Variants in CSRNP3 observed in about 807,000 individuals in gnomAD.
CSRNP3 encodes the protein cysteine/serine-rich nuclear protein 3.
CSRNP3 carries 12 observed loss-of-function variants against 48.0 expected under a neutral mutation model. The ratio of observed to expected loss-of-function variants is 0.25; its 90% CI spans 0.16 to 0.41. The LOEUF is 0.41. Ranked by LOEUF, CSRNP3 falls within the 10% of genes least tolerant of loss-of-function variation. The pLI, the probability that CSRNP3 is intolerant of heterozygous loss-of-function variation, is 1.00. For synonymous variants in CSRNP3, 263 were observed against 269.7 expected, an observed-to-expected ratio of 0.98 and a Z score of 0.24; for missense variants, 580 against 724.4, an observed-to-expected ratio of 0.80 and a Z score of 2.29.
intron 2 of CSRNP3, among the ~76,000 whole-genome samples, chr2:165,504,183 T>A (rs1684395150): frequency 6.6e-6 from 1 of 152,036 alleles, no homozygotes; most frequent in African/African-American, 2.4e-5. Flanking sequence ...ATTTTAAAAA[T>A]ACATTTCAAA....
chr2:165,639,368 C>T (rs919852705), intron 4 of CSRNP3, among the ~76,000 whole-genome samples: 1 of 152,124 alleles, frequency 6.6e-6, no homozygotes, highest in Admixed American at 6.5e-5. Context: ...CACTGTTCTG[C>T]GAGGTCTGTG....
chr2:165,544,016 C>T (rs921717111), intron 3 of CSRNP3, among the ~76,000 whole-genome samples: 1 of 151,276 alleles, frequency 6.6e-6, no homozygotes, highest in African/African-American at 2.4e-5. Flanking sequence ...TATATACACA[C>T]ACAATGTTTG....
At chr2:165,620,164 T>C (rs2105317510) in intron 4 of CSRNP3, among the ~76,000 whole-genome samples, 1 of 152,294 alleles carries the variant, frequency 6.6e-6, no homozygotes, top group East Asian at 1.9e-4. Flanking sequence ...TTTACACAGT[T>C]TTTCTTTGTG....
At chr2:165,480,238 A>T (rs1684022314) in intron 1 of CSRNP3, among the ~76,000 whole-genome samples, 1 of 152,190 alleles carries the variant, frequency 6.6e-6, no homozygotes, top group East Asian at 1.9e-4. Flanking sequence ...TCAAGGGCTC[A>T]TGTGATTAGG....
intron 3 of CSRNP3, among the ~76,000 whole-genome samples, chr2:165,526,898 C>T (rs1171078820): frequency 6.6e-6 from 1 of 152,030 alleles, no homozygotes; most frequent in African/African-American, 2.4e-5. Flanking sequence ...TCTGCATGCT[C>T]TCTGACTTAG....
At position 165,560,873 on chromosome 2, in the gene CSRNP3, G is replaced by A. The variant is rs370252268; in HGVS notation, c.-23-34170G>A. ...ATCTTTTAGTGGTATGTCTTTAATCGCTTTAAACTGTTTGTTTCACTAGTG... is the reference window on the plus strand; with the variant it reads ...ATCTTTTAGTGGTATGTCTTTAATCACTTTAAACTGTTTGTTTCACTAGTG... On this transcript the variant is annotated intron_variant, in intron 3 of 6. Transcript: ENST00000651982. Among the ~76,000 whole-genome samples, 8 of 152,120 alleles carry A rather than the reference G, an allele frequency of 5.3e-5. No individual in the cohort carries two copies. The East Asian group carries it at 5.8e-4, about 11-fold the overall frequency.
At chr2:165,619,447 A>G (rs1686303617) in intron 4 of CSRNP3, among the ~76,000 whole-genome samples, 1 of 152,164 alleles carries the variant, frequency 6.6e-6, no homozygotes, top group African/African-American at 2.4e-5. Flanking sequence ...AGTGTTTCTC[A>G]GGGGTTAGTT....
chr2:165,480,789 A>G (rs1684030380), intron 1 of CSRNP3, among the ~76,000 whole-genome samples: 1 of 125,148 alleles, frequency 8.0e-6, no homozygotes, highest in East Asian at 2.0e-4. Flanking sequence ...TATTATATAT[A>G]TAATATATAT....
At chr2:165,593,126 C>G (rs913961907) in intron 3 of CSRNP3, among the ~76,000 whole-genome samples, 15 of 152,138 alleles carry the variant, frequency 9.9e-5, no homozygotes, top group African/African-American at 3.6e-4. Context: ...TATAAATTAC[C>G]CAGTCTTGGA....
At chr2:165,507,386 T>G (rs143353235) in intron 2 of CSRNP3, among the ~76,000 whole-genome samples, 4 of 152,172 alleles carry the variant, frequency 2.6e-5, no homozygotes, top group African/African-American at 7.2e-5. Flanking sequence ...CATCTTTTAT[T>G]ACATCATCAT....
At chr2:165,492,934 TA>T (rs374777311) in intron 1 of CSRNP3, among the ~76,000 whole-genome samples, 1,946 of 90,726 alleles carry the variant, frequency 0.021, 35 homozygotes, top group African/African-American at 0.059. Flanking sequence ...TCAAATTCCC[TA>T]AAAAAAAAAA....
At chr2:165,550,891 G>A (rs1034395445) in intron 3 of CSRNP3, among the ~76,000 whole-genome samples, 1 of 151,756 alleles carries the variant, frequency 6.6e-6, no homozygotes, top group Non-Finnish European at 1.5e-5. Context: ...ATGGATATAA[G>A]CTTTTTCTCA....
At chr2:165,665,006 A>C (rs1268277166) in intron 5 of CSRNP3, among the ~76,000 whole-genome samples, 1 of 152,186 alleles carries the variant, frequency 6.6e-6, no homozygotes, top group Non-Finnish European at 1.5e-5. Context: ...GTGATCAATA[A>C]AGTTTTGTTA....
In CSRNP3 at chr2:165,553,002, G is replaced by A. The variant is rs141301584; in HGVS notation, c.-24+35041G>A. Among the ~76,000 whole-genome samples the A allele has an allele frequency of 9.0e-4, 137 of 152,142 alleles. 1 individual carries two copies. The East Asian group carries it at 0.013, about 14-fold the overall frequency. On this transcript the variant is annotated intron_variant, in intron 3 of 6. Transcript: ENST00000651982. ...AGCCAATGTGCCTGGCCATACCTTC[G>A]TAATTATTTGTAATATCAACGTTCA...
intron 1 of CSRNP3, among the ~76,000 whole-genome samples, chr2:165,488,583 T>G (rs1198393858): frequency 2.1e-5 from 3 of 141,938 alleles, no homozygotes; most frequent in Non-Finnish European, 4.6e-5. Flanking sequence ...GAACAGAAAT[T>G]ATAACAAACT....
chr2:165,678,491 T>C (rs921135849), intron 6 of CSRNP3, among the ~76,000 whole-genome samples: 1 of 152,200 alleles, frequency 6.6e-6, no homozygotes, highest in South Asian at 2.1e-4. Flanking sequence ...ATTTTTATTT[T>C]GAATATAGGT....
chr2:165,651,085 A>G (rs1686894912), intron 4 of CSRNP3, among the ~76,000 whole-genome samples: 1 of 152,230 alleles, frequency 6.6e-6, no homozygotes, highest in Admixed American at 6.5e-5. Context: ...CATTCGCTCC[A>G]GAGTTGTTGC....
At chr2:165,558,852 C>G (rs569396226) in intron 3 of CSRNP3, among the ~76,000 whole-genome samples, 5 of 152,308 alleles carry the variant, frequency 3.3e-5, no homozygotes, top group African/African-American at 1.2e-4. Context: ...CCAAAGGGAG[C>G]TGTACACGTG....
At chr2:165,615,858 A>T (rs1686230669) in intron 4 of CSRNP3, among the ~76,000 whole-genome samples, 1 of 147,878 alleles carries the variant, frequency 6.8e-6, no homozygotes, top group African/African-American at 2.5e-5. Flanking sequence ...CTATAGGCAC[A>T]TACCACCATA....
Sources: gnomAD v4.1 joint callset for allele counts (sites outside exome capture counted in the v4.1 genomes callset) on GRCh38, gnomAD v4.1.1 for gene constraint, MANE v1.5 for transcripts, NCBI Gene and HGNC (gene_info 2026-07-23, HGNC 2026-07-21) for gene names.